MCM3AP: variants seen among roughly 807,000 people sequenced by gnomAD.
MCM3AP encodes germinal-center associated nuclear protein.
A neutral mutation model predicts 184.1 loss-of-function variants in MCM3AP; 126 were observed. The ratio of observed to expected loss-of-function variants is 0.68; its 90% CI spans 0.59 to 0.79. The LOEUF (loss-of-function observed/expected upper bound fraction) is 0.79. Among genes scored for constraint, MCM3AP ranks in the 30% least tolerant of loss-of-function variants. The pLI, the probability that MCM3AP is intolerant of heterozygous loss-of-function variation, is 0.00. For synonymous variants in MCM3AP, 1,002 were observed against 979.3 expected (o/e 1.02, Z -0.43); for missense variants, 2,496 against 2,479.2 (o/e 1.01, Z -0.14).
chr21:46,254,175 C>G, intron 19 of MCM3AP: 2 of 595,574 alleles, frequency 3.4e-6, no homozygotes, highest in Non-Finnish European at 5.9e-6. Flanking sequence ...TGAGAACGGA[C>G]TAATACACCA....
In MCM3AP at chr21:46,275,215, C is replaced by G. The variant is rs201240379; in HGVS notation, c.1969G>C (p.Val657Leu). The change falls in exon 6 of 28, where the codon GTG (valine) becomes CTG (leucine). Residue 657 changes from valine (V) to leucine (L), a missense_variant. Around this residue, in one of 5 missense-constraint regions of MCM3AP, gnomAD observed 130 missense variants for 199.8 expected, o/e 0.65. Coordinates refer to ENST00000291688, the MANE Select transcript of MCM3AP (RefSeq NM_003906.5). ...TCAGTCCCTGGGACCACTTCGAACA[C>G]GCTCAGCTGGCTACGGGTCTCCCGC... The part of the protein sequence containing the change: ...YMRETRSQLS[V>L]FEVVPGTDQV... 6.2e-7 allele frequency: 1 copy of G among 1,613,996 alleles called. No individual in the cohort carries two copies. The highest frequency in any genetic ancestry group is 8.5e-7 in the Non-Finnish European group (1 of 1,179,958).
At chr21:46,262,883 C>T (rs549208962) in intron 13 of MCM3AP, among the ~76,000 whole-genome samples, 15 of 138,996 alleles carry the variant, frequency 1.1e-4, no homozygotes, top group East Asian at 4.7e-4. Context: ...AGGAGAATGG[C>T]GTGAACCCCG....
At chr21:46,280,207 G>C (rs2081314580) in intron 3 of MCM3AP, 70 bp from the exon 4 acceptor site, 1 of 1,474,102 alleles carries the variant, frequency 6.8e-7, no homozygotes, top group Non-Finnish European at 9.4e-7. Flanking sequence ...TTTTCACTCT[G>C]TTTCTAAGAA....
intron 2 of MCM3AP, among the ~76,000 whole-genome samples, chr21:46,282,156 ACT>A (rs530191128): frequency 8.5e-4 from 130 of 152,236 alleles, no homozygotes; most frequent in South Asian, 2.1e-3. Context: ...AAAAATACAA[ACT>A]TTTTTTAATT....
chr21:46,264,657 G>A (rs963624702), intron 12 of MCM3AP, among the ~76,000 whole-genome samples: 1 of 152,136 alleles, frequency 6.6e-6, no homozygotes, highest in African/African-American at 2.4e-5. Flanking sequence ...CCATCAAGGG[G>A]CACATCCACC....
At chr21:46,262,050 G>C (rs920165073) in intron 13 of MCM3AP, among the ~76,000 whole-genome samples, 1 of 152,142 alleles carries the variant, frequency 6.6e-6, no homozygotes, top group Admixed American at 6.6e-5. Context: ...TATGCAACCT[G>C]TACTTGTTTG....
At chr21:46,282,352 G>T (rs1188193709) in intron 2 of MCM3AP, among the ~76,000 whole-genome samples, 1 of 151,996 alleles carries the variant, frequency 6.6e-6, no homozygotes, top group Non-Finnish European at 1.5e-5. Flanking sequence ...ACAAAACGTA[G>T]TCCATCCACT....
chr21:46,244,735 TTAC>T, intron 23 of MCM3AP, 69 bp downstream of exon 23: 1 of 1,501,066 alleles, frequency 6.7e-7, no homozygotes, highest in Middle Eastern at 2.5e-4. Context: ...TGCCAGACGG[TTAC>T]TACAGTGAGA....
At chr21:46,236,213 C>A (rs2080521840) in intron 27 of MCM3AP, 2 of 152,226 alleles carry the variant, frequency 1.3e-5, no homozygotes, top group African/African-American at 4.8e-5. Context: ...TGCTTTTCTC[C>A]TCTATTGAAG....
chr21:46,267,496 G>A (rs1329574076), intron 9 of MCM3AP: 11 of 201,230 alleles, frequency 5.5e-5, no homozygotes, highest in African/African-American at 1.9e-4. Flanking sequence ...AGAGGACCCC[G>A]GAGACCATGG....
chr21:46,262,157 G>A (rs1251676937), intron 13 of MCM3AP, among the ~76,000 whole-genome samples: 1 of 152,178 alleles, frequency 6.6e-6, no homozygotes, highest in Non-Finnish European at 1.5e-5. Context: ...CCTATAACTA[G>A]TAAGGAGACT....
chr21:46,286,041 G>A (rs1181553421), upstream of MCM3AP: 1 of 152,228 alleles, frequency 6.6e-6, no homozygotes, highest in African/African-American at 2.4e-5. Context: ...CTCGCCAGGG[G>A]TCGCCGGCGC....
chr21:46,272,626 A>G lies in MCM3AP; in HGVS notation c.2400T>C (p.Cys800=). Reference sequence around the variant, plus strand: ...AGCCCTGGAACTCCGCTTCGCTGGCACAGAAGACACCCTTGTTTCTCAGGT... The same window carrying G: ...AGCCCTGGAACTCCGCTTCGCTGGCGCAGAAGACACCCTTGTTTCTCAGGT... ...YQDLRNKGVF[C]ASEAEFQGYN... The change falls in exon 8 of 28, where the codon TGT becomes TGC. Residue 800 remains cysteine, a synonymous_variant. Transcript: ENST00000291688. The G allele has an allele frequency of 6.2e-7, 1 of 1,614,220 alleles. No homozygotes were observed. The highest frequency in any genetic ancestry group is 1.1e-5 in the South Asian group (1 of 91,088).
In MCM3AP at chr21:46,245,045, A is replaced by G. The variant is rs1398158046; in HGVS notation, c.4800T>C (p.Leu1600=). Reference sequence around the variant, plus strand: ...TGATGGCGCCAGGCTCCTGAGAAGCAAGACCGCCCAGACGCCTCTCTCTTC... The same window carrying G: ...TGATGGCGCCAGGCTCCTGAGAAGCGAGACCGCCCAGACGCCTCTCTCTTC... ...HDRRERRLGG[L]ASQEPGAIIE... is the part of the protein sequence containing the mutation. Residue 1600 remains leucine (L), a synonymous_variant, in exon 23 of 28, where the codon CTT becomes CTC. Transcript: ENST00000291688. 5.0e-6 allele frequency: 8 copies of G among 1,614,108 alleles called. No individual in the cohort carries two copies. In the Admixed American group the frequency reaches 1.3e-4, roughly 27 times the overall value.
In MCM3AP at chr21:46,258,962, C is replaced by A; in HGVS notation, c.3711G>T (p.Gln1237His). ...ACCGCTGTAGATACTTGCAGAAGCA[C>A]TGAAGCTCCTGGAGGGTCTCCTTTG... ...QTAKETLQEL[Q>H]CFCKYLQRWR... Residue 1237 changes from glutamine to histidine, a missense_variant, in exon 16 of 28, where the codon CAG becomes CAT. Physicochemically the swap from Gln to His is conservative, Grantham distance 24. Around this residue, in one of 5 missense-constraint regions of MCM3AP, gnomAD observed 1,323 missense variants for 1,273.4 expected, o/e 1.04. Transcript: ENST00000291688. 2 of 1,614,132 alleles carry A rather than the reference C, an allele frequency of 1.2e-6. No individual in the cohort carries two copies. The highest frequency in any genetic ancestry group is 2.2e-5 in the South Asian group (2 of 91,072).
chr21:46,271,192 T>C (rs1050529326), intron 8 of MCM3AP, among the ~76,000 whole-genome samples: 34 of 151,984 alleles, frequency 2.2e-4, no homozygotes, highest in Admixed American at 4.6e-4. Context: ...ACAGAGTACT[T>C]GCTCTATCAC....
At position 46,266,128 on chromosome 21, in the gene MCM3AP, T is replaced by A; in HGVS notation, c.2828A>T (p.Glu943Val). 1.2e-6 allele frequency: 2 copies of A among 1,611,606 alleles called. No individual in the cohort carries two copies. The highest frequency in any genetic ancestry group is 1.7e-6 in the Non-Finnish European group (2 of 1,178,890). Residue 943 changes from glutamate (E) to valine (V), a missense_variant, in exon 11 of 28, where the codon GAG (glutamate) becomes GTG (valine). Physicochemically the swap from Glu to Val is moderately radical, Grantham distance 121. Transcript: ENST00000291688. ...ELNRSAFLEPEGLSKTRKSVF... is the reference protein window; with the variant it reads ...ELNRSAFLEPVGLSKTRKSVF... Reference sequence around the variant, plus strand: ...CGACTTCCTGGTCTTGGATAATCCCTCTGGTTCCAGGAATGCAGACCGGTT... The same window carrying A: ...CGACTTCCTGGTCTTGGATAATCCCACTGGTTCCAGGAATGCAGACCGGTT...
At chr21:46,270,810 T>C (rs1823276136) in intron 8 of MCM3AP, among the ~76,000 whole-genome samples, 1 of 152,052 alleles carries the variant, frequency 6.6e-6, no homozygotes, top group Admixed American at 6.6e-5. Flanking sequence ...TCTCAAGTAA[T>C]AATGATACTG....
intron 5 of MCM3AP, 95 bp from the exon 6 acceptor site, chr21:46,275,420 T>G (rs2145702958): frequency 1.9e-6 from 2 of 1,026,008 alleles, no homozygotes; most frequent in East Asian, 5.3e-5. Context: ...AATTAAAACT[T>G]AAAACACACA....
Sources: gnomAD v4.1 joint callset for allele counts (sites outside exome capture counted in the v4.1 genomes callset) on GRCh38, gnomAD v4.1.1 for gene constraint, gnomAD v4.1.1 regional missense constraint, MANE v1.5 for transcripts, NCBI Gene and HGNC (gene_info 2026-07-23, HGNC 2026-07-21) for gene names.